Variants in FAAH2 observed in about 807,000 individuals in gnomAD.
The protein encoded by FAAH2 is fatty-acid amide hydrolase 2.
A neutral mutation model predicts 36.9 loss-of-function variants in FAAH2; 60 were observed. The ratio of observed to expected loss-of-function variants is 1.63; its 90% CI spans 1.32 to 2.02. FAAH2 has a LOEUF of 2.02. FAAH2 is among the 30% of genes most tolerant of loss of function. FAAH2 has a pLI of 0.00. For synonymous variants in FAAH2, 214 were observed against 143.8 expected, an observed-to-expected ratio of 1.49 and a Z score of -3.49; for missense variants, 689 against 397.5, an observed-to-expected ratio of 1.73 and a Z score of -6.23.
At chrX:57,437,130 A>G (rs1268954955) in intron 8 of FAAH2, among the ~76,000 whole-genome samples, 1 of 111,806 alleles carries the variant, frequency 8.9e-6, no homozygotes, top group East Asian at 2.8e-4. Context: ...ACAAAACCAT[A>G]TAATTATCTC....
chrX:57,425,892 G>A (rs1411404841), intron 7 of FAAH2, among the ~76,000 whole-genome samples: 1 of 111,711 alleles, frequency 9.0e-6, no homozygotes, highest in Non-Finnish European at 1.9e-5. Flanking sequence ...CCACTTAAAA[G>A]ACACAATTGG....
chrX:57,197,379 G>T, the FAAH2 span, among the ~76,000 whole-genome samples: 1 of 111,435 alleles, frequency 9.0e-6, no homozygotes, highest in Non-Finnish European at 1.9e-5. Context: ...GCAATTCAGA[G>T]ATTTTTTATT....
rs143721583 is a variant in FAAH2, at chrX:57,359,599, G to A, written c.742+18209G>A. Among the ~76,000 whole-genome samples, 770 of 111,428 alleles carry A rather than the reference G, an allele frequency of 6.9e-3. 4 individuals are homozygous for A. The highest frequency in any genetic ancestry group is 9.3e-3 in the Middle Eastern group (2 of 216). On this transcript the variant is annotated intron_variant, in intron 5 of 10. Coordinates refer to ENST00000374900, the MANE Select transcript of FAAH2 (RefSeq NM_174912.4). Reference sequence around the variant, plus strand: ...GAAAACTTTATTCTTGTACATATCTGCCCCTCTTTATGTTATTGATGTCAA... The same window carrying A: ...GAAAACTTTATTCTTGTACATATCTACCCCTCTTTATGTTATTGATGTCAA...
chrX:57,271,693 A>G, the FAAH2 span, among the ~76,000 whole-genome samples: 1 of 112,307 alleles, frequency 8.9e-6, no homozygotes, highest in Non-Finnish European at 1.9e-5. Context: ...TAGAAGGAAA[A>G]TAAACAAACA....
chrX:57,485,781 T>TA (rs1363839051), intron 10 of FAAH2, among the ~76,000 whole-genome samples: 1 of 112,340 alleles, frequency 8.9e-6, no homozygotes, highest in Non-Finnish European at 1.9e-5. Flanking sequence ...TTTGTGATTT[T>TA]AAAAAATTAT....
chrX:57,280,650 CA>C, the FAAH2 span, among the ~76,000 whole-genome samples: 203 of 85,861 alleles, frequency 2.4e-3, no homozygotes, highest in African/African-American at 4.1e-3. Flanking sequence ...TTGGAAGCTT[CA>C]AAAAAAAAAA....
At chrX:57,244,057 C>T in the FAAH2 span, among the ~76,000 whole-genome samples, 2 of 106,874 alleles carry the variant, frequency 1.9e-5, no homozygotes, top group Non-Finnish European at 3.8e-5. Context: ...CATAAATGAC[C>T]TGATGGAGCT....
At chrX:57,232,004 G>T in the FAAH2 span, among the ~76,000 whole-genome samples, 10 of 111,490 alleles carry the variant, frequency 9.0e-5, no homozygotes, top group Non-Finnish European at 1.3e-4. Flanking sequence ...TGCATGATAT[G>T]CTTGGAAGAT....
chrX:57,473,169 G>A (rs1353296592), intron 10 of FAAH2, among the ~76,000 whole-genome samples: 2 of 110,966 alleles, frequency 1.8e-5, no homozygotes, highest in Non-Finnish European at 3.8e-5. Context: ...GGCATTTAAT[G>A]CTATAAACTT....
intron 3 of FAAH2, among the ~76,000 whole-genome samples, chrX:57,317,543 T>G (rs920395091): frequency 1.8e-5 from 2 of 111,493 alleles, no homozygotes; most frequent in Non-Finnish European, 3.8e-5. Flanking sequence ...ACAAAGAGAC[T>G]TAGAGTCCTA....
At chrX:57,300,241 A>T (rs779492172) in intron 2 of FAAH2, among the ~76,000 whole-genome samples, 1 of 111,838 alleles carries the variant, frequency 8.9e-6, no homozygotes, top group East Asian at 2.8e-4. Flanking sequence ...ACAGTATGGT[A>T]CTGGTACCAA....
At chrX:57,345,170 C>A (rs1464942434) in intron 5 of FAAH2, among the ~76,000 whole-genome samples, 5 of 100,470 alleles carry the variant, frequency 5.0e-5, no homozygotes, top group African/African-American at 1.4e-4. Context: ...ACCAGGTTTT[C>A]TCCCTTCCCT....
At chrX:57,319,643 C>CT (rs1437024054) in intron 3 of FAAH2, among the ~76,000 whole-genome samples, 1 of 111,934 alleles carries the variant, frequency 8.9e-6, no homozygotes, top group Non-Finnish European at 1.9e-5. Flanking sequence ...CTGCAATTGA[C>CT]TTTTTTCACA....
chrX:57,206,949 T>C, the FAAH2 span, among the ~76,000 whole-genome samples: 1 of 111,906 alleles, frequency 8.9e-6, no homozygotes, highest in Admixed American at 9.5e-5. Flanking sequence ...AGCCTCCAGT[T>C]TCTCTTTACT....
At chrX:57,263,017 G>T in the FAAH2 span, among the ~76,000 whole-genome samples, 191 of 111,377 alleles carry the variant, frequency 1.7e-3, 1 homozygote, top group African/African-American at 5.9e-3. Flanking sequence ...AATGGTAAAA[G>T]TGTGAGAGCT....
At chrX:57,266,033 G>A in the FAAH2 span, among the ~76,000 whole-genome samples, 1 of 111,479 alleles carries the variant, frequency 9.0e-6, no homozygotes, top group African/African-American at 3.3e-5. Flanking sequence ...AGCTATTTCA[G>A]CCTTCAAGCT....
the FAAH2 span, chrX:57,121,767 T>G: frequency 8.9e-6 from 1 of 112,414 alleles, no homozygotes; most frequent in South Asian, 3.7e-4. Context: ...CAGGGCCACT[T>G]GGTTCCCACC....
intron 2 of FAAH2, among the ~76,000 whole-genome samples, chrX:57,295,785 A>G (rs1357673887): frequency 8.9e-6 from 1 of 112,516 alleles, no homozygotes; most frequent in Non-Finnish European, 1.9e-5. Flanking sequence ...AACAAGCTTA[A>G]CAAAGGACAC....
At chrX:57,194,147 C>T in the FAAH2 span, among the ~76,000 whole-genome samples, 14 of 111,531 alleles carry the variant, frequency 1.3e-4, no homozygotes, top group East Asian at 3.4e-3. Context: ...GTAAAGCTAT[C>T]AGGTGCTGGG....
Sources: allele counts gnomAD v4.1 joint callset (sites outside exome capture counted in the v4.1 genomes callset), GRCh38; gene constraint gnomAD v4.1.1; transcripts MANE v1.5; gene names NCBI Gene and HGNC (gene_info 2026-07-23, HGNC 2026-07-21).